Variants in RPS6KA2 observed in about 807,000 individuals in gnomAD.
The protein encoded by RPS6KA2 is ribosomal protein S6 kinase alpha-2.
In RPS6KA2, 42 loss-of-function variants were observed where a neutral mutation model predicts 91.8. The ratio of observed to expected loss-of-function variants is 0.46; its 90% CI spans 0.36 to 0.59. RPS6KA2 has a LOEUF of 0.59. RPS6KA2 is among the 20% of genes least tolerant of loss of function. The pLI, the probability that RPS6KA2 is intolerant of heterozygous loss-of-function variation, is 0.00. For synonymous variants in RPS6KA2, 414 were observed against 393.6 expected (o/e 1.05, Z -0.61); for missense variants, 798 against 978.5 (o/e 0.82, Z 2.46).
At position 166,612,639 on chromosome 6, in the gene RPS6KA2, G is replaced by A. The variant is rs866283914; in HGVS notation, c.99+14282C>T. On this transcript the variant is annotated intron_variant, in intron 1 of 20. Coordinates refer to ENST00000265678, the MANE Select transcript of RPS6KA2 (RefSeq NM_021135.6). This position sits in a 1 kb window ranked among gnomAD's most constrained non-coding sequence, Gnocchi z 4.3. ...AGACACTGCTTTGCAGAGCCCGTGGGCTGTGCTCCATTTATCACTCTGTCC... is the reference window on the plus strand; with the variant it reads ...AGACACTGCTTTGCAGAGCCCGTGGACTGTGCTCCATTTATCACTCTGTCC... Among the ~76,000 whole-genome samples the A allele has an allele frequency of 2.0e-5, 3 of 152,180 alleles. No individual in the cohort carries two copies. Among genetic ancestry groups the A allele is most frequent in the African/African-American group, 7.2e-5 (3 of 41,438 alleles).
Position 166,770,011 on chromosome 6 carries a change from G to A in RPS6KA2, c.123+88189C>T, listed in dbSNP as rs568722007. Among the ~76,000 whole-genome samples, 2 of 152,176 alleles carry A rather than the reference G, an allele frequency of 1.3e-5. No homozygotes were observed. Among genetic ancestry groups the A allele is most frequent in the African/African-American group, 4.8e-5 (2 of 41,424 alleles). On this transcript the variant is annotated intron_variant, in intron 2 of 21. Transcript: ENST00000503859. This position sits in a 1 kb window ranked among gnomAD's most constrained non-coding sequence, Gnocchi z 5.1. ...ATTTTTGTTTCAAATGAACTACAGC[G>A]CAGTTTAACGTATCAATGTAGATGA...
intron 2 of RPS6KA2, among the ~76,000 whole-genome samples, chr6:166,780,610 T>G (rs1411997440): frequency 2.0e-5 from 3 of 151,822 alleles, no homozygotes; most frequent in African/African-American, 7.3e-5. Flanking sequence ...CCAGAGGAGC[T>G]GGAGAACCAG....
At chr6:166,777,708 G>C (rs931769620) in intron 2 of RPS6KA2, among the ~76,000 whole-genome samples, 16 of 152,202 alleles carry the variant, frequency 1.1e-4, no homozygotes, top group Non-Finnish European at 4.4e-5. Flanking sequence ...CAGAATCCAA[G>C]AGAATCTACA....
chr6:166,776,202 G>A (rs566585307), intron 2 of RPS6KA2, among the ~76,000 whole-genome samples: 4 of 152,274 alleles, frequency 2.6e-5, no homozygotes, highest in South Asian at 4.1e-4. Context: ...GACAGAGAAT[G>A]ATCTCGCTAC....
chr6:166,474,572 G>A (rs1420278888), intron 10 of RPS6KA2, among the ~76,000 whole-genome samples: 1 of 152,082 alleles, frequency 6.6e-6, no homozygotes, highest in Non-Finnish European at 1.5e-5. Context: ...AAGATTTGGA[G>A]GTAGGCTTAG....
At chr6:166,487,614 T>C (rs1215587524) in intron 10 of RPS6KA2, among the ~76,000 whole-genome samples, 1 of 152,170 alleles carries the variant, frequency 6.6e-6, no homozygotes, top group Non-Finnish European at 1.5e-5. Context: ...AGAATTACTA[T>C]GAAGATGAAT....
At chr6:166,470,004 G>C in intron 10 of RPS6KA2, 99 bp from the exon 11 acceptor site, 1 of 1,100,392 alleles carries the variant, frequency 9.1e-7, no homozygotes, top group Non-Finnish European at 1.4e-6. Flanking sequence ...GTGCAGAGGT[G>C]GGGCCGTGGG....
intron 19 of RPS6KA2, among the ~76,000 whole-genome samples, chr6:166,416,827 T>C (rs1194241395): frequency 2.0e-5 from 3 of 151,706 alleles, no homozygotes; most frequent in South Asian, 4.2e-4. Context: ...CCATCATCGC[T>C]GTCGCCACCT....
At chr6:166,591,954 C>T (rs1785369897) in intron 1 of RPS6KA2, among the ~76,000 whole-genome samples, 1 of 152,208 alleles carries the variant, frequency 6.6e-6, no homozygotes, top group South Asian at 2.1e-4. Flanking sequence ...CCCACTGTAC[C>T]TGCAGAAGAC....
chr6:166,600,633 T>G (rs1209678689), intron 1 of RPS6KA2, among the ~76,000 whole-genome samples: 1 of 152,162 alleles, frequency 6.6e-6, no homozygotes, highest in Non-Finnish European at 1.5e-5. Flanking sequence ...AAAAACTGGT[T>G]GCATAAACAA....
At chr6:166,579,426 G>GAATGTCAT (rs1784938926) in intron 1 of RPS6KA2, among the ~76,000 whole-genome samples, 1 of 152,124 alleles carries the variant, frequency 6.6e-6, no homozygotes, top group Non-Finnish European at 1.5e-5. Context: ...ATGTATGCAA[G>GAATGTCAT]AATGTCATGC....
At position 166,517,765 on chromosome 6, in the gene RPS6KA2, G is replaced by A. The variant is rs187040719; in HGVS notation, c.299-7408C>T. Among the ~76,000 whole-genome samples the A allele has an allele frequency of 4.9e-4, 74 of 152,236 alleles. No homozygotes were observed. The East Asian group carries it at 0.013, about 26-fold the overall frequency. ...GCTGGGATTACAGGCGTGAGCCACC[G>A]CGCCCGGCCCACTTAAGGCATTCTT... On this transcript the variant is annotated intron_variant, in intron 3 of 20. Transcript: ENST00000265678.
chr6:166,585,049 T>A, intron 1 of RPS6KA2, among the ~76,000 whole-genome samples: 1 of 151,908 alleles, frequency 6.6e-6, no homozygotes, highest in Non-Finnish European at 1.5e-5. Flanking sequence ...TCTTTGCACC[T>A]CTGAGTGCTG....
At chr6:166,682,462 G>A (rs1270449298) in intron 2 of RPS6KA2, among the ~76,000 whole-genome samples, 2 of 152,160 alleles carry the variant, frequency 1.3e-5, no homozygotes, top group African/African-American at 4.8e-5. Context: ...GCAGCACAGG[G>A]GAAGCATAGA....
At chr6:166,514,511 G>A (rs1443877360) in intron 3 of RPS6KA2, among the ~76,000 whole-genome samples, 2 of 152,200 alleles carry the variant, frequency 1.3e-5, no homozygotes, top group South Asian at 4.1e-4. Flanking sequence ...CTGTAGGGTG[G>A]CAGCTGGGGT....
chr6:166,678,488 A>G (rs1788682489), intron 2 of RPS6KA2, among the ~76,000 whole-genome samples: 1 of 152,238 alleles, frequency 6.6e-6, no homozygotes, highest in African/African-American at 2.4e-5. Context: ...AAATAAACAA[A>G]AACTCAGTTT....
At position 166,448,577 on chromosome 6, in the gene RPS6KA2, C is replaced by T. The variant is rs1226669965; in HGVS notation, c.1332+147G>A. On this transcript the variant is annotated intron_variant, in intron 14 of 20. Transcript: ENST00000265678. The surrounding 1 kb of genome is among the most constrained non-coding windows in gnomAD (Gnocchi z 4.7). ...GCACATATGCTGTGCTCCTATGCTC[C>T]GTGCTCCCATGTGCTGTACATGCTC... The T allele has an allele frequency of 2.6e-5, 26 of 993,736 alleles. No homozygotes were observed. The highest frequency in any genetic ancestry group is 1.4e-4 in the East Asian group (5 of 36,792). The allele number at this position is 993,736 out of a possible 1,614,324, so 61.6% of individuals were successfully genotyped here.
At chr6:166,524,199 A>G (rs147332945) in intron 3 of RPS6KA2, among the ~76,000 whole-genome samples, 1 of 152,288 alleles carries the variant, frequency 6.6e-6, no homozygotes, top group East Asian at 1.9e-4. Flanking sequence ...CAAACAACTG[A>G]ACACAGCTTA....
In RPS6KA2 at chr6:166,821,067, G is replaced by C. The variant is rs1343826611; in HGVS notation, c.123+37133C>G. Among the ~76,000 whole-genome samples, 1 of 152,094 alleles carries C rather than the reference G, an allele frequency of 6.6e-6. No homozygotes were observed. The highest frequency in any genetic ancestry group is 2.4e-5 in the African/African-American group (1 of 41,392). On this transcript the variant is annotated intron_variant, in intron 2 of 21. Coordinates refer to the RPS6KA2 transcript ENST00000503859. This position sits in a 1 kb window ranked among gnomAD's most constrained non-coding sequence, Gnocchi z 4.1. ...TGGAATGATGGGTCCAGGGCTATAGGGATTTGGATATTGAATTAGGTTACC... is the reference window on the plus strand; with the variant it reads ...TGGAATGATGGGTCCAGGGCTATAGCGATTTGGATATTGAATTAGGTTACC...
Sources: gnomAD v4.1 joint callset for allele counts (sites outside exome capture counted in the v4.1 genomes callset) on GRCh38, gnomAD v4.1.1 for gene constraint, Gnocchi (gnomAD v3.1) non-coding constraint, MANE v1.5 for transcripts, NCBI Gene and HGNC (gene_info 2026-07-23, HGNC 2026-07-21) for gene names.